Variants in HDAC9 observed in about 807,000 individuals in gnomAD.
HDAC9 encodes the protein MEF-2 interacting transcription repressor (MITR) protein.
A neutral mutation model predicts 139.4 loss-of-function variants in HDAC9; 41 were observed. The ratio of observed to expected loss-of-function variants is 0.29; its 90% CI spans 0.23 to 0.38. The LOEUF (loss-of-function observed/expected upper bound fraction) is 0.38, where lower values mean the gene tolerates loss of function less well. Among genes scored for constraint, HDAC9 ranks in the 10% least tolerant of loss-of-function variants. The probability of loss-of-function intolerance (pLI) is 1.00; values close to 1 mark genes in which losing one functional copy is unlikely to be tolerated. For synonymous variants in HDAC9, 517 were observed against 476.2 expected, an observed-to-expected ratio of 1.09 and a Z score of -1.12; for missense variants, 1,147 against 1,297.0, an observed-to-expected ratio of 0.88 and a Z score of 1.78.
intron 12 of HDAC9, among the ~76,000 whole-genome samples, chr7:18,695,479 A>G (rs1782979628): frequency 6.6e-6 from 1 of 152,242 alleles, no homozygotes; most frequent in African/African-American, 2.4e-5. Context: ...TTGAAAGAGT[A>G]GAAGGAGTTT....
Position 18,767,450 on chromosome 7 carries a change from G to A in HDAC9, c.2214+295G>A, listed in dbSNP as rs183021711. Among the ~76,000 whole-genome samples, 58 of 152,292 alleles carry A rather than the reference G, an allele frequency of 3.8e-4. 1 individual carries two copies. The highest frequency in any genetic ancestry group is 1.4e-3 in the African/African-American group (57 of 41,566). ...GTCACACACTCATGAAGCCAGCTTT[G>A]CTAGGCCTTTATATAGCTGGAGAAA... On this transcript the variant is annotated intron_variant, in intron 16 of 25. Transcript: ENST00000686413.
chr7:18,804,570 T>A (rs1455804342), intron 17 of HDAC9, among the ~76,000 whole-genome samples: 1 of 152,230 alleles, frequency 6.6e-6, no homozygotes, highest in East Asian at 1.9e-4. Context: ...GTTATATTGC[T>A]GTCTACCCTA....
At chr7:18,884,193 T>G (rs775064082) in intron 22 of HDAC9, among the ~76,000 whole-genome samples, 2 of 152,082 alleles carry the variant, frequency 1.3e-5, no homozygotes, top group Non-Finnish European at 2.9e-5. Context: ...AATAGCAGAA[T>G]CAACCCAAAA....
At chr7:18,135,169 A>G (rs1172370989) in intron 1 of HDAC9, among the ~76,000 whole-genome samples, 1 of 152,016 alleles carries the variant, frequency 6.6e-6, no homozygotes, top group Non-Finnish European at 1.5e-5. Flanking sequence ...TTTAAAATGT[A>G]ATGAAGTAGG....
At chr7:18,786,615 TTCCCTCCCTCCC>T (rs796497256) in intron 16 of HDAC9, among the ~76,000 whole-genome samples, 58 of 32,478 alleles carry the variant, frequency 1.8e-3, no homozygotes, top group South Asian at 3.2e-3. Flanking sequence ...CCTTCCTTCC[TTCCCTCCCTCCC>T]TCCTTCCTTC....
At chr7:18,716,990 CT>C (rs528916567) in intron 12 of HDAC9, among the ~76,000 whole-genome samples, 10,448 of 114,984 alleles carry the variant, frequency 0.091, 371 homozygotes, top group African/African-American at 0.17. Context: ...CTCGTTAGCA[CT>C]TTTTTTTTTT....
At chr7:18,248,307 A>G (rs1348053634) in intron 2 of HDAC9, among the ~76,000 whole-genome samples, 1 of 152,210 alleles carries the variant, frequency 6.6e-6, no homozygotes, top group African/African-American at 2.4e-5. Context: ...TTATATGCTC[A>G]ATTAATTGGG....
At chr7:18,964,473 A>T (rs1315051507) in intron 24 of HDAC9, among the ~76,000 whole-genome samples, 2 of 152,218 alleles carry the variant, frequency 1.3e-5, no homozygotes, top group African/African-American at 2.4e-5. Flanking sequence ...TGTAAGATCT[A>T]TGAAAGTATC....
intron 21 of HDAC9, among the ~76,000 whole-genome samples, chr7:18,873,309 C>CT (rs1799071811): frequency 1.3e-5 from 2 of 152,218 alleles, no homozygotes; most frequent in Non-Finnish European, 2.9e-5. Context: ...GTTGGAAGGA[C>CT]TACTGTGGAA....
chr7:18,691,363 G>T (rs1361537996), intron 12 of HDAC9, among the ~76,000 whole-genome samples: 8 of 152,010 alleles, frequency 5.3e-5, no homozygotes, highest in African/African-American at 1.4e-4. Context: ...TTTTCTGAGA[G>T]GTTGGTGGGT....
chr7:18,971,174 T>A (rs1784221310), intron 24 of HDAC9, among the ~76,000 whole-genome samples: 1 of 152,178 alleles, frequency 6.6e-6, no homozygotes, highest in Non-Finnish European at 1.5e-5. Flanking sequence ...TCATTATTTG[T>A]GTTACTTTTG....
intron 2 of HDAC9, among the ~76,000 whole-genome samples, chr7:18,278,174 T>A (rs1385957669): frequency 6.6e-6 from 1 of 152,204 alleles, no homozygotes; most frequent in Non-Finnish European, 1.5e-5. Flanking sequence ...AAGCCACATA[T>A]CACTCCTTTC....
At chr7:18,943,126 A>C (rs1782132465) in intron 23 of HDAC9, among the ~76,000 whole-genome samples, 1 of 152,056 alleles carries the variant, frequency 6.6e-6, no homozygotes, top group Non-Finnish European at 1.5e-5. Flanking sequence ...TTGGCATTTA[A>C]TGTGAGCCAA....
intron 2 of HDAC9, among the ~76,000 whole-genome samples, chr7:18,542,058 G>T (rs1023523695): frequency 6.6e-6 from 1 of 152,102 alleles, no homozygotes; most frequent in Non-Finnish European, 1.5e-5. Flanking sequence ...CTACGCCCTA[G>T]ATGCCAGTAG....
chr7:18,429,684 C>CTA (rs1217320612), intron 1 of HDAC9, among the ~76,000 whole-genome samples: 1 of 152,092 alleles, frequency 6.6e-6, no homozygotes, highest in African/African-American at 2.4e-5. Flanking sequence ...TGTTGCAAGT[C>CTA]ATTCAAGAAT....
At position 18,207,233 on chromosome 7, in the gene HDAC9, C is replaced by T. The variant is rs376121354; in HGVS notation, c.25+44884C>T. Among the ~76,000 whole-genome samples, 16 of 152,188 alleles carry T rather than the reference C, an allele frequency of 1.1e-4. No homozygotes were observed. In the East Asian group the frequency reaches 2.1e-3, roughly 20 times the overall value. ...GGATTACAGGCATGAGCCACTGCAA[C>T]TGGCCCTGATTTGAAATATCTTATA... On this transcript the variant is annotated intron_variant, in intron 2 of 12. Coordinates refer to the HDAC9 transcript ENST00000417496.
At chr7:18,235,468 G>A (rs946646418) in intron 2 of HDAC9, among the ~76,000 whole-genome samples, 1 of 152,128 alleles carries the variant, frequency 6.6e-6, no homozygotes, top group African/African-American at 2.4e-5. Context: ...GTACACAGTT[G>A]GGTCCGGTTC....
At chr7:18,521,722 C>T (rs1470697809) in intron 2 of HDAC9, among the ~76,000 whole-genome samples, 1 of 152,102 alleles carries the variant, frequency 6.6e-6, no homozygotes, top group Admixed American at 6.6e-5. Context: ...CTAGGATTTC[C>T]AGTTTTTAGA....
chr7:18,539,252 G>A (rs888712177), intron 2 of HDAC9, among the ~76,000 whole-genome samples: 1 of 152,062 alleles, frequency 6.6e-6, no homozygotes, highest in Admixed American at 6.6e-5. Flanking sequence ...ACTTCACCTC[G>A]TTGTTTTTCC....
Sources: gnomAD v4.1 joint callset for allele counts (sites outside exome capture counted in the v4.1 genomes callset) on GRCh38, gnomAD v4.1.1 for gene constraint, MANE v1.5 for transcripts, NCBI Gene and HGNC (gene_info 2026-07-23, HGNC 2026-07-21) for gene names.